FHIT: variants seen among roughly 807,000 people sequenced by gnomAD.
The protein encoded by FHIT is fragile histidine triad diadenosine triphosphatase, also known as bis(5'-adenosyl)-triphosphatase.
FHIT carries 19 observed loss-of-function variants against 17.9 expected under a neutral mutation model. That is an observed-to-expected ratio of 1.06 (90% CI 0.74 to 1.56). FHIT has a LOEUF of 1.56. Ranked by LOEUF, FHIT falls within the 40% of genes most tolerant of loss-of-function variation. FHIT has a pLI of 0.00. For synonymous variants in FHIT, 81 were observed against 69.7 expected, an observed-to-expected ratio of 1.16 and a Z score of -0.81; for missense variants, 248 against 189.2, an observed-to-expected ratio of 1.31 and a Z score of -1.82.
chr3:60,600,138 G>A (rs1456700056), intron 4 of FHIT, among the ~76,000 whole-genome samples: 1 of 152,100 alleles, frequency 6.6e-6, no homozygotes, highest in Non-Finnish European at 1.5e-5. Context: ...TTAGAGCTCA[G>A]TAATCTCATG....
At chr3:60,589,374 G>C (rs1445248770) in intron 4 of FHIT, among the ~76,000 whole-genome samples, 6 of 151,980 alleles carry the variant, frequency 3.9e-5, no homozygotes, top group African/African-American at 1.4e-4. Context: ...AATACAAAGG[G>C]AGGAAGCCCA....
At chr3:60,191,558 G>A (rs1702404793) in intron 5 of FHIT, among the ~76,000 whole-genome samples, 1 of 152,138 alleles carries the variant, frequency 6.6e-6, no homozygotes. Flanking sequence ...ACCAAAGCAT[G>A]ATCCTCTCCT....
rs1699458453 is a variant in FHIT, at chr3:60,352,520, G to A, written c.103+184340C>T. Among the ~76,000 whole-genome samples, 4 of 151,590 alleles carry A rather than the reference G, an allele frequency of 2.6e-5. No homozygotes were observed. The South Asian group carries it at 8.3e-4, about 32-fold the overall frequency. On this transcript the variant is annotated intron_variant, in intron 5 of 9. Transcript: ENST00000492590. ...TTTCTTTTTTAAAATTTTTTTTTAA[G>A]AGATGGAGTCTTACTCTGTCATTCA...
intron 5 of FHIT, among the ~76,000 whole-genome samples, chr3:60,141,663 T>A (rs367739450): frequency 2.0e-5 from 3 of 152,254 alleles, no homozygotes; most frequent in African/African-American, 7.2e-5. Context: ...TAGAAAAACA[T>A]CCTAAAGAGT....
At chr3:59,947,487 G>A (rs13066298) in intron 7 of FHIT, among the ~76,000 whole-genome samples, 10 of 151,972 alleles carry the variant, frequency 6.6e-5, no homozygotes, top group Non-Finnish European at 1.2e-4. Context: ...CTTTTGTATG[G>A]TTTTCCATGT....
intron 6 of FHIT, 71 bp from the exon 7 acceptor site, chr3:60,011,471 C>T (rs1700137708): frequency 7.9e-7 from 1 of 1,264,222 alleles, no homozygotes; most frequent in East Asian, 2.3e-5. Flanking sequence ...AGAAATATCA[C>T]CCATTAATAA....
chr3:60,239,243 T>C (rs1347635795), intron 5 of FHIT, among the ~76,000 whole-genome samples: 1 of 152,150 alleles, frequency 6.6e-6, no homozygotes, highest in Non-Finnish European at 1.5e-5. Flanking sequence ...GAAAATTTGG[T>C]AGTTGAATGT....
At position 60,028,451 on chromosome 3, in the gene FHIT, T is replaced by A. The variant is rs544911302; in HGVS notation, c.104-14299A>T. Among the ~76,000 whole-genome samples the A allele has an allele frequency of 2.0e-5, 3 of 152,330 alleles. No individual in the cohort carries two copies. The South Asian group carries it at 6.2e-4, about 32-fold the overall frequency. ...GATCAGAGACCAGTCACATCACTTC[T>A]TCCAAAGTCTGTCAGTGACTGATCA... On this transcript the variant is annotated intron_variant, in intron 5 of 9. Coordinates refer to ENST00000492590, the MANE Select transcript of FHIT (RefSeq NM_002012.4).
intron 4 of FHIT, among the ~76,000 whole-genome samples, chr3:60,654,126 C>T (rs2855997): frequency 6.6e-6 from 1 of 151,640 alleles, no homozygotes; most frequent in Non-Finnish European, 1.5e-5. Flanking sequence ...CTTCCCCTTC[C>T]GCCATAATTG....
chr3:60,179,979 T>C, intron 5 of FHIT, among the ~76,000 whole-genome samples: 1 of 152,188 alleles, frequency 6.6e-6, no homozygotes, highest in East Asian at 1.9e-4. Context: ...AGCCCAACCT[T>C]GGAGGCAATC....
chr3:60,554,238 G>A (rs1315750354), intron 4 of FHIT, among the ~76,000 whole-genome samples: 31 of 112,512 alleles, frequency 2.8e-4, no homozygotes, highest in Middle Eastern at 7.9e-3. Context: ...TCATCTTAAC[G>A]GTTAAAAAAA....
At chr3:60,049,593 C>T (rs966260113) in intron 5 of FHIT, among the ~76,000 whole-genome samples, 3 of 152,020 alleles carry the variant, frequency 2.0e-5, no homozygotes, top group African/African-American at 7.2e-5. Context: ...GAATGTAAAA[C>T]ATATCAGTAA....
intron 4 of FHIT, among the ~76,000 whole-genome samples, chr3:60,728,569 T>G (rs2041962807): frequency 6.6e-6 from 1 of 152,092 alleles, no homozygotes; most frequent in Non-Finnish European, 1.5e-5. Context: ...TTTGTTTTTG[T>G]TTTATTTTGT....
chr3:60,748,100 C>T (rs1349110851), intron 4 of FHIT, among the ~76,000 whole-genome samples: 1 of 152,002 alleles, frequency 6.6e-6, no homozygotes, highest in East Asian at 1.9e-4. Context: ...GCTGAGGAGC[C>T]ATTAGAAGCT....
intron 3 of FHIT, among the ~76,000 whole-genome samples, chr3:60,930,807 T>C (rs1426020530): frequency 5.3e-5 from 8 of 152,130 alleles, no homozygotes; most frequent in Non-Finnish European, 1.2e-4. Flanking sequence ...GTCAGTGTGG[T>C]GATTCCTCAA....
In FHIT at chr3:60,321,305, C is replaced by T. The variant is rs1372131199; in HGVS notation, c.103+215555G>A. ...GATCAGCCTGGGCAACATGGTGAATCCCCATCTCTAAAATACAAAAAATAG... is the reference window on the plus strand; with the variant it reads ...GATCAGCCTGGGCAACATGGTGAATTCCCATCTCTAAAATACAAAAAATAG... On this transcript the variant is annotated intron_variant, in intron 5 of 9. Transcript: ENST00000492590. 2.0e-5 allele frequency among the ~76,000 whole-genome samples: 3 copies of T among 152,038 alleles called. No homozygotes were observed. In the East Asian group the frequency reaches 5.8e-4, roughly 29 times the overall value.
chr3:59,773,895 T>A (rs748388619), intron 8 of FHIT, among the ~76,000 whole-genome samples: 1 of 152,200 alleles, frequency 6.6e-6, no homozygotes, highest in Non-Finnish European at 1.5e-5. Flanking sequence ...GTAAAGTACA[T>A]ACCAGATTTA....
intron 2 of FHIT, among the ~76,000 whole-genome samples, chr3:61,152,856 T>C (rs1175947086): frequency 3.3e-5 from 5 of 151,870 alleles, no homozygotes; most frequent in African/African-American, 1.2e-4. Flanking sequence ...TCAAAGACAA[T>C]GGTGGGGCTG....
At chr3:60,771,522 A>G (rs1313371322) in intron 4 of FHIT, among the ~76,000 whole-genome samples, 10 of 152,206 alleles carry the variant, frequency 6.6e-5, no homozygotes, top group Non-Finnish European at 1.3e-4. Context: ...AGAGGCCTAC[A>G]TGGCCTACTT....
Sources: allele counts gnomAD v4.1 joint callset (sites outside exome capture counted in the v4.1 genomes callset), GRCh38; gene constraint gnomAD v4.1.1; transcripts MANE v1.5; gene names NCBI Gene and HGNC (gene_info 2026-07-23, HGNC 2026-07-21).